YBX1: variants seen among roughly 807,000 people sequenced by gnomAD.
The protein encoded by YBX1 is Y-box binding protein 1.
A neutral mutation model predicts 41.4 loss-of-function variants in YBX1; 3 were observed. That is an observed-to-expected ratio of 0.07 (90% CI 0.03 to 0.19). The LOEUF (loss-of-function observed/expected upper bound fraction) is 0.19. YBX1 is among the 10% of genes least tolerant of loss of function. YBX1 has a pLI of 1.00. For synonymous variants in YBX1, 133 were observed against 165.8 expected, an observed-to-expected ratio of 0.80 and a Z score of 1.52; for missense variants, 274 against 462.8, an observed-to-expected ratio of 0.59 and a Z score of 3.74.
In YBX1 at chr1:42,702,459, C is replaced by T. The variant is rs543807603; in HGVS notation, c.*510C>T. On this transcript the variant is annotated 3_prime_UTR_variant, in exon 8 of 8. Transcript: ENST00000321358. Reference sequence around the variant, plus strand: ...AATAGATGATGCTCACTGGTAATTCCCTCAGGTAAAATGTCTCAAAATCTC... The same window carrying T: ...AATAGATGATGCTCACTGGTAATTCTCTCAGGTAAAATGTCTCAAAATCTC... The T allele has an allele frequency of 4.6e-5, 7 of 152,608 alleles. No homozygotes were observed. The South Asian group carries it at 1.0e-3, about 23-fold the overall frequency. The allele number at this position is 152,608 out of a possible 1,614,324, so 9.5% of individuals were successfully genotyped here. A position where few individuals can be genotyped will look rare whatever the true frequency, so the allele number is the denominator to read the frequency against.
intron 7 of YBX1, among the ~76,000 whole-genome samples, chr1:42,701,370 C>T (rs1401821375): frequency 2.0e-5 from 3 of 152,028 alleles, no homozygotes; most frequent in Admixed American, 1.3e-4. Flanking sequence ...GAAAGTTTTG[C>T]TAGCTGTATT....
In YBX1 at chr1:42,696,160, C is replaced by G; in HGVS notation, c.265-39C>G. 5 of 1,522,212 alleles carry G rather than the reference C, an allele frequency of 3.3e-6. No homozygotes were observed. 94.3% of individuals were successfully genotyped at this position (1,522,212 alleles called of 1,614,324 possible). A position where few individuals can be genotyped will look rare whatever the true frequency, so the allele number is the denominator to read the frequency against. ...ATTTTAAATGAAAAAGCACATTATT[C>G]TCCCCTGTTAATCTATTTTTGGAAT... is the stretch of plus-strand genomic sequence containing the variant. On this transcript the variant is annotated intron_variant, in intron 3 of 7. Transcript: ENST00000321358. The surrounding 1 kb of genome is among the most constrained non-coding windows in gnomAD (Gnocchi z 5.7).
intron 6 of YBX1, 63 bp from the exon 7 acceptor site, chr1:42,700,718 A>G: frequency 6.9e-7 from 1 of 1,456,208 alleles, no homozygotes. Context: ...AACTGGTTAC[A>G]CTGGTGGGTG....
chr1:42,683,094 G>A, intron 1 of YBX1: 1 of 547,694 alleles, frequency 1.8e-6, no homozygotes, highest in Non-Finnish European at 3.4e-6. Flanking sequence ...GTGCTCGGAG[G>A]GCGCGGCGCA....
intron 2 of YBX1, among the ~76,000 whole-genome samples, chr1:42,690,983 G>T (rs1172936348): frequency 6.6e-6 from 1 of 152,178 alleles, no homozygotes; most frequent in Admixed American, 6.5e-5. Flanking sequence ...AATAGTGATG[G>T]CTGGCAGAGA....
In YBX1 at chr1:42,687,622, GTA is replaced by G. The variant is rs577665816; in HGVS notation, c.230+4157_230+4158del. ...TTTTTTCTTTTTTAAAGGTGGCGGT[GTA>G]AAGTACTTACTGTGTGGTTGTTGGT... On this transcript the variant is annotated intron_variant, in intron 2 of 7. Transcript: ENST00000321358. 5.3e-5 allele frequency among the ~76,000 whole-genome samples: 8 copies of G among 152,186 alleles called. No individual in the cohort carries two copies. In the South Asian group the frequency reaches 1.7e-3, roughly 32 times the overall value.
chr1:42,691,563 T>G (rs1314435330), intron 2 of YBX1, among the ~76,000 whole-genome samples: 3 of 152,206 alleles, frequency 2.0e-5, no homozygotes, highest in African/African-American at 7.2e-5. Flanking sequence ...TGTGAATACC[T>G]GTTGTAACTA....
At chr1:42,697,073 T>C in intron 5 of YBX1, 107 bp from the exon 6 acceptor site, 1 of 1,471,178 alleles carries the variant, frequency 6.8e-7, no homozygotes, top group Non-Finnish European at 9.1e-7. Context: ...GTAGTCACAA[T>C]TACTAGATGG....
At chr1:42,697,872 T>C (rs1650499601) in intron 6 of YBX1, among the ~76,000 whole-genome samples, 2 of 152,158 alleles carry the variant, frequency 1.3e-5, no homozygotes, top group African/African-American at 4.8e-5. Flanking sequence ...TTTTAGTCCA[T>C]GCCGTAGTAT....
rs1650639350 is a variant in YBX1, at chr1:42,702,894, G to T, written c.*945G>T. On this transcript the variant is annotated 3_prime_UTR_variant, in exon 8 of 8. Coordinates refer to ENST00000321358, the MANE Select transcript of YBX1 (RefSeq NM_004559.5). ...AGGTTGGTGAGCTTGTAATTATGTG[G>T]TTCTCAACACCTTAAATCCTAAGCC... Among the ~76,000 whole-genome samples the T allele has an allele frequency of 6.6e-6, 1 of 152,116 alleles. No homozygotes were observed. Among genetic ancestry groups the T allele is most frequent in the Non-Finnish European group, 1.5e-5 (1 of 68,024 alleles).
rs1210105326 is a variant in YBX1 at position 42,683,246 on chromosome 1, G to A, written c.167-157G>A. 4 of 837,652 alleles carry A rather than the reference G, an allele frequency of 4.8e-6. 1 individual carries two copies. Among genetic ancestry groups the A allele is most frequent in the Non-Finnish European group, 8.1e-6 (4 of 494,874 alleles). 51.9% of individuals were successfully genotyped at this position (837,652 alleles called of 1,614,324 possible). On this transcript the variant is annotated intron_variant, in intron 1 of 7. Transcript: ENST00000321358. The stretch of plus-strand genomic sequence containing the variant: ...CAGACTCACCCACGTGTGCGGCGGC[G>A]GCGGCGACTGCGTGGCCCCGCACCC...
Position 42,693,490 on chromosome 1 carries a change from G to T in YBX1, c.231G>T (p.Arg77Ser). The change falls in exon 3 of 8, where the codon AGG becomes AGT. Residue 77 changes from arginine (R) to serine (S), a missense_variant and splice_region_variant. Transcript: ENST00000321358. ...TGTTCAACTTGGTTCTGTCTTGCAG[G>T]AATGACACCAAGGAAGATGTATTTG... ...NVRNGYGFINRNDTKEDVFVH... is the reference protein window; with the variant it reads ...NVRNGYGFINSNDTKEDVFVH... 6.2e-7 allele frequency: 1 copy of T among 1,613,584 alleles called. No individual in the cohort carries two copies.
At chr1:42,701,434 G>A (rs1215632537) in intron 7 of YBX1, among the ~76,000 whole-genome samples, 2 of 152,064 alleles carry the variant, frequency 1.3e-5, no homozygotes, top group South Asian at 4.1e-4. Flanking sequence ...AAAAGGAAGT[G>A]GGGATAGCTG....
chr1:42,683,186 C>CGCGCCCCGGGCCTGCCCTGGA (rs771516170), intron 1 of YBX1: 12 of 665,290 alleles, frequency 1.8e-5, no homozygotes, highest in Non-Finnish European at 2.7e-6. Context: ...TCCTGGGGCC[C>CGCGCCCCGGGCCTGCCCTGGA]GCGCCCCGGG....
chr1:42,699,944 A>G (rs1201365820), intron 6 of YBX1, among the ~76,000 whole-genome samples: 1 of 152,206 alleles, frequency 6.6e-6, no homozygotes, highest in African/African-American at 2.4e-5. Context: ...AAGCTGTTAC[A>G]CTCGAACCTT....
At chr1:42,683,178 C>A (rs12760050) in intron 1 of YBX1, 1 of 662,568 alleles carries the variant, frequency 1.5e-6, no homozygotes. Context: ...CACACCCATC[C>A]TGGGGCCCGC....
intron 2 of YBX1, among the ~76,000 whole-genome samples, chr1:42,690,871 C>A (rs10890208): frequency 0.49 from 74,548 of 152,024 alleles, 18,521 homozygotes; most frequent in African/African-American, 0.54. Context: ...ACATTTCTTT[C>A]TAGTAGATGG....
intron 2 of YBX1, among the ~76,000 whole-genome samples, chr1:42,686,637 G>C (rs780083663): frequency 2.0e-5 from 3 of 152,194 alleles, no homozygotes; most frequent in Admixed American, 2.0e-4. Flanking sequence ...CTTTGGGGTG[G>C]GGGCTCCCTT....
chr1:42,696,855 A>G lies in YBX1; in HGVS notation c.568A>G (p.Arg190Gly). Residue 190 changes from arginine (R) to glycine (G), a missense_variant, in exon 5 of 8, where the codon AGG becomes GGG. Transcript: ENST00000321358. This position sits in a 1 kb window ranked among gnomAD's most constrained non-coding sequence, Gnocchi z 5.7. Reference protein sequence around the residue: ...GQAQQRRPYRRRRFPPYYMRR... With the variant: ...GQAQQRRPYRGRRFPPYYMRR... ...GGCCCAACAACGCCGGCCCTACCGCAGGCGAAGGTTCCCACCTTACTACAT... is the reference window on the plus strand; with the variant it reads ...GGCCCAACAACGCCGGCCCTACCGCGGGCGAAGGTTCCCACCTTACTACAT... The G allele has an allele frequency of 1.2e-6, 2 of 1,609,776 alleles. No homozygotes were observed. The highest frequency in any genetic ancestry group is 1.7e-6 in the Non-Finnish European group (2 of 1,177,482).
Sources: allele counts gnomAD v4.1 joint callset (sites outside exome capture counted in the v4.1 genomes callset), GRCh38; gene constraint gnomAD v4.1.1; non-coding constraint Gnocchi (gnomAD v3.1); transcripts MANE v1.5; gene names NCBI Gene and HGNC (gene_info 2026-07-23, HGNC 2026-07-21).